Variants in IGF2R observed in about 807,000 individuals in gnomAD.
IGF2R encodes cation-independent mannose-6-phosphate receptor.
Under a neutral mutation model 270.6 loss-of-function variants are expected in IGF2R, and 91 were observed. The ratio of observed to expected loss-of-function variants is 0.34; its 90% CI spans 0.28 to 0.40. The LOEUF is 0.40. Among genes scored for constraint, IGF2R ranks in the 10% least tolerant of loss-of-function variants. The probability of loss-of-function intolerance (pLI) is 1.00; values close to 1 mark genes in which losing one functional copy is unlikely to be tolerated. For synonymous variants in IGF2R, 1,316 were observed against 1,258.9 expected, an observed-to-expected ratio of 1.05 and a Z score of -0.96; for missense variants, 2,805 against 3,188.3, an observed-to-expected ratio of 0.88 and a Z score of 2.90.
intron 1 of IGF2R, among the ~76,000 whole-genome samples, chr6:159,989,394 C>T (rs1375029404): frequency 6.6e-6 from 1 of 152,036 alleles, no homozygotes; most frequent in African/African-American, 2.4e-5. Context: ...AGGTGGACGG[C>T]TCCTTCTGTG....
At chr6:160,032,754 A>C in intron 8 of IGF2R, 41 bp downstream of exon 8, 1 of 1,602,002 alleles carries the variant, frequency 6.2e-7, no homozygotes, top group Non-Finnish European at 8.5e-7. Flanking sequence ...GCTTAGGAAG[A>C]AGGGGATCGA....
At chr6:159,997,873 A>G (rs1254281746) in intron 2 of IGF2R, among the ~76,000 whole-genome samples, 1 of 152,234 alleles carries the variant, frequency 6.6e-6, no homozygotes, top group Admixed American at 6.5e-5. Context: ...AGAGCTTTGT[A>G]GAAAGCAGTG....
chr6:160,022,399 A>G lies in IGF2R; in HGVS notation c.514-2173A>G, dbSNP rs1191575514. Among the ~76,000 whole-genome samples the G allele has an allele frequency of 4.6e-5, 7 of 152,168 alleles. No homozygotes were observed. The East Asian group carries it at 1.3e-3, about 29-fold the overall frequency. On this transcript the variant is annotated intron_variant, in intron 4 of 47. Coordinates refer to ENST00000356956, the MANE Select transcript of IGF2R (RefSeq NM_000876.4). The stretch of plus-strand genomic sequence containing the variant: ...CTCGGTCCTCCTAAATCTAAATAAA[A>G]CAAACAAAGAGGCACCCCCTTAAAG...
intron 10 of IGF2R, among the ~76,000 whole-genome samples, chr6:160,035,994 C>G (rs996274397): frequency 1.3e-5 from 2 of 152,132 alleles, no homozygotes; most frequent in Non-Finnish European, 2.9e-5. Flanking sequence ...TCCAGACATT[C>G]AAAGGCATGG....
chr6:159,989,545 C>T (rs73594490), intron 1 of IGF2R, among the ~76,000 whole-genome samples: 8 of 152,140 alleles, frequency 5.3e-5, no homozygotes, highest in Non-Finnish European at 8.8e-5. Flanking sequence ...ACTTATTGCC[C>T]CTCCTTTTAG....
chr6:160,022,424 G>A (rs142560518), intron 4 of IGF2R, among the ~76,000 whole-genome samples: 3 of 152,274 alleles, frequency 2.0e-5, no homozygotes, highest in African/African-American at 4.8e-5. Flanking sequence ...CCCCCTTAAA[G>A]CTCAGGGTCT....
At chr6:160,034,566 G>C (rs1026641198) in intron 10 of IGF2R, 44 bp downstream of exon 10, 51 of 1,259,604 alleles carry the variant, frequency 4.0e-5, no homozygotes, top group Non-Finnish European at 5.8e-5. Flanking sequence ...TGCATTCATG[G>C]GCATGTGCTT....
chr6:159,970,419 G>C (rs1783592397), intron 1 of IGF2R, among the ~76,000 whole-genome samples: 1 of 151,948 alleles, frequency 6.6e-6, no homozygotes, highest in Non-Finnish European at 1.5e-5. Flanking sequence ...ACTTTGGGCT[G>C]AACTTGGAGT....
chr6:160,056,200 A>G (rs1443165574), intron 19 of IGF2R, among the ~76,000 whole-genome samples: 2 of 152,200 alleles, frequency 1.3e-5, no homozygotes, highest in South Asian at 2.1e-4. Flanking sequence ...CACGATTTCT[A>G]TATTTCTGAA....
In IGF2R at chr6:160,104,786, C is replaced by T. The variant is rs772602219; in HGVS notation, c.7178C>T (p.Thr2393Ile). ...GGGCAGGAGAACGGCCATATTACCA[C>T]CAAGTCAGTGAAAGCCCTCAGCTCC... ...KEGQENGHITTKSVKALSSLH... is the reference protein window; with the variant it reads ...KEGQENGHITIKSVKALSSLH... The change falls in exon 48 of 48, where the codon ACC (threonine) becomes ATC (isoleucine). Residue 2393 changes from threonine to isoleucine, a missense_variant. Around this residue, in one of 2 missense-constraint regions of IGF2R, gnomAD observed 1,851 missense variants for 2,207.2 expected, o/e 0.84. Transcript: ENST00000356956. The T allele has an allele frequency of 3.7e-6, 6 of 1,614,064 alleles. No individual in the cohort carries two copies. Among genetic ancestry groups the T allele is most frequent in the Non-Finnish European group, 4.2e-6 (5 of 1,180,048 alleles).
At position 160,048,242 on chromosome 6, in the gene IGF2R, A is replaced by G. The variant is rs1020022831; in HGVS notation, c.2346-133A>G. ...TCCTGGTGCGTCATGCGCCCAGACA[A>G]GCCAACTCCTGGTAGTGTGATTGGT... On this transcript the variant is annotated intron_variant, in intron 17 of 47. Coordinates refer to ENST00000356956, the MANE Select transcript of IGF2R (RefSeq NM_000876.4). 23 of 857,920 alleles carry G rather than the reference A, an allele frequency of 2.7e-5. No homozygotes were observed. The African/African-American group carries it at 3.8e-4, about 14-fold the overall frequency. 53.1% of individuals were successfully genotyped at this position (857,920 alleles called of 1,614,324 possible). A position where few individuals can be genotyped will look rare whatever the true frequency, so the allele number is the denominator to read the frequency against.
chr6:160,089,244 T>C lies in IGF2R; in HGVS notation c.6458T>C (p.Ile2153Thr). Residue 2153 changes from isoleucine (I) to threonine (T), a missense_variant, in exon 43 of 48, where the codon ATT (isoleucine) becomes ACT (threonine). By Grantham distance (89) the Ile-to-Thr change is moderately conservative. Around this residue, in one of 2 missense-constraint regions of IGF2R, gnomAD observed 1,851 missense variants for 2,207.2 expected, o/e 0.84. Transcript: ENST00000356956. ...GGCAAGAGCTTCAGCCTCGGAGATA[T>C]TTATTTTAAGTAAGTAAAACGTTTT... Reference protein sequence around the residue: ...INGKSFSLGDIYFKLFRASGD... With the variant: ...INGKSFSLGDTYFKLFRASGD... 1.2e-6 allele frequency: 2 copies of C among 1,606,156 alleles called. No individual in the cohort carries two copies. Among genetic ancestry groups the C allele is most frequent in the Non-Finnish European group, 1.7e-6 (2 of 1,174,900 alleles).
intron 42 of IGF2R, 61 bp downstream of exon 42, chr6:160,088,208 C>CAG: frequency 4.5e-6 from 5 of 1,120,678 alleles, no homozygotes; most frequent in Non-Finnish European, 6.8e-6. Context: ...GGAATTCCTC[C>CAG]TTGGGGTTTT....
Position 160,033,043 on chromosome 6 carries a change from C to T in IGF2R, c.1147C>T (p.Gln383Ter), listed in dbSNP as rs1562350618. 1.2e-6 allele frequency: 2 copies of T among 1,612,972 alleles called. No individual in the cohort carries two copies. The highest frequency in any genetic ancestry group is 1.7e-6 in the Non-Finnish European group (2 of 1,178,934). The change falls in exon 9 of 48, where the codon CAA becomes TAA. Residue 383 changes from glutamine (Q) to a stop codon, truncating the protein, a stop_gained. Coordinates refer to ENST00000356956, the MANE Select transcript of IGF2R (RefSeq NM_000876.4). LOFTEE classifies it high-confidence loss of function. Reference protein sequence around the residue: ...FCNKKQAAVCQVKKSDTSQVK... With the variant: ...FCNKKQAAVC The stretch of plus-strand genomic sequence containing the variant: ...TAATAAAAAACAAGCTGCAGTTTGC[C>T]AAGTGAAAAAGAGCGATACCTCTCA...
At position 160,050,751 on chromosome 6, in the gene IGF2R, C is replaced by T. The variant is rs8191822; in HGVS notation, c.2694+99C>T. On this transcript the variant is annotated intron_variant, in intron 19 of 47. Coordinates refer to ENST00000356956, the MANE Select transcript of IGF2R (RefSeq NM_000876.4). The surrounding 1 kb of genome is among the most constrained non-coding windows in gnomAD (Gnocchi z 4.0). ...ACAGCAGCAGTCTTGGGGTGGGTGGCGGAGCTAGGCCAGTCTTAGTTCTGC... is the reference window on the plus strand; with the variant it reads ...ACAGCAGCAGTCTTGGGGTGGGTGGTGGAGCTAGGCCAGTCTTAGTTCTGC... The T allele has an allele frequency of 2.1e-5, 22 of 1,071,682 alleles. No homozygotes were observed. Among genetic ancestry groups the T allele is most frequent in the African/African-American group, 1.4e-4 (9 of 62,948 alleles). 66.4% of individuals were successfully genotyped at this position (1,071,682 alleles called of 1,614,324 possible).
chr6:160,015,581 C>T (rs962191686), intron 4 of IGF2R, among the ~76,000 whole-genome samples: 5 of 152,068 alleles, frequency 3.3e-5, no homozygotes, highest in African/African-American at 1.2e-4. Flanking sequence ...ATGCGGGTGC[C>T]CCTACTTCAT....
intron 4 of IGF2R, among the ~76,000 whole-genome samples, chr6:160,016,087 C>T (rs974043161): frequency 1.3e-5 from 2 of 152,184 alleles, no homozygotes; most frequent in Non-Finnish European, 2.9e-5. Context: ...CAAAAACAAC[C>T]TAATACAGAC....
rs1779609712 is a variant in IGF2R at position 160,105,984 on chromosome 6, G to A, written c.*900G>A. 6.6e-6 allele frequency: 1 copy of A among 152,204 alleles called. No individual in the cohort carries two copies. The highest frequency in any genetic ancestry group is 1.9e-4 in the East Asian group (1 of 5,202). The allele number at this position is 152,204 out of a possible 1,614,324, so 9.4% of individuals were successfully genotyped here. A position where few individuals can be genotyped will look rare whatever the true frequency, so the allele number is the denominator to read the frequency against. On this transcript the variant is annotated 3_prime_UTR_variant, in exon 48 of 48. Transcript: ENST00000356956. ...AGAAAATGAATTTTTTCCAGATTTG[G>A]GGTATAGGTCTCATCTCTTCAGGTT...
intron 19 of IGF2R, among the ~76,000 whole-genome samples, chr6:160,052,829 G>A (rs1429344210): frequency 6.6e-6 from 1 of 152,146 alleles, no homozygotes; most frequent in African/African-American, 2.4e-5. Flanking sequence ...ACAAGAAATG[G>A]GGAAAGGATT....
Sources: allele counts gnomAD v4.1 joint callset (sites outside exome capture counted in the v4.1 genomes callset), GRCh38; gene constraint gnomAD v4.1.1; regional missense constraint gnomAD v4.1.1; non-coding constraint Gnocchi (gnomAD v3.1); transcripts MANE v1.5; gene names NCBI Gene and HGNC (gene_info 2026-07-23, HGNC 2026-07-21).